CLTC: variants seen among roughly 807,000 people sequenced by gnomAD.
The protein encoded by CLTC is clathrin heavy chain 1.
In CLTC, 16 loss-of-function variants were observed where a neutral mutation model predicts 195.8. The observed-to-expected ratio is 0.08, with a 90% CI of 0.06 to 0.12. The LOEUF is 0.12. CLTC is among the 10% of genes least tolerant of loss of function. CLTC has a pLI of 1.00. For missense variants in CLTC, 796 were observed against 2,027.0 expected (o/e 0.39, Z 11.66); for synonymous variants, 667 against 689.4 (o/e 0.97, Z 0.51).
At chr17:59,641,255 A>T (rs903844419) in intron 1 of CLTC, among the ~76,000 whole-genome samples, 2 of 152,160 alleles carry the variant, frequency 1.3e-5, no homozygotes, top group African/African-American at 4.8e-5. Context: ...GTAGAATAAC[A>T]CTACATTCAC....
At chr17:59,639,482 A>T (rs1784834171) in intron 1 of CLTC, among the ~76,000 whole-genome samples, 2 of 152,188 alleles carry the variant, frequency 1.3e-5, no homozygotes. Context: ...CATATGTTAA[A>T]ATAGGATATC....
intron 8 of CLTC, among the ~76,000 whole-genome samples, chr17:59,661,956 A>G (rs1010147467): frequency 2.0e-5 from 3 of 152,022 alleles, no homozygotes; most frequent in Non-Finnish European, 4.4e-5. Flanking sequence ...TACAAAAATC[A>G]GCTGGGCGTG....
At chr17:59,638,824 T>C (rs1418208041) in intron 1 of CLTC, among the ~76,000 whole-genome samples, 1 of 152,168 alleles carries the variant, frequency 6.6e-6, no homozygotes, top group Non-Finnish European at 1.5e-5. Flanking sequence ...TGGTTCGGGA[T>C]CCCTGCTCTA....
rs1238737129 is a variant in CLTC, at chr17:59,683,848, A to G, written c.4324-27A>G. 9 of 1,611,020 alleles carry G rather than the reference A, an allele frequency of 5.6e-6. No homozygotes were observed. In the Admixed American group the frequency reaches 8.3e-5, roughly 15 times the overall value. On this transcript the variant is annotated intron_variant, in intron 27 of 31. Coordinates refer to ENST00000269122, the MANE Select transcript of CLTC (RefSeq NM_004859.4). This position sits in a 1 kb window ranked among gnomAD's most constrained non-coding sequence, Gnocchi z 6.1. ...CCCTGGGACTTCAATAATGTGCTAT[A>G]TTTGTAACAAACTCTTTATTTTAAA...
intron 6 of CLTC, 104 bp downstream of exon 6, chr17:59,656,131 A>C: frequency 9.9e-7 from 1 of 1,009,506 alleles, no homozygotes; most frequent in Non-Finnish European, 1.4e-6. Flanking sequence ...AAAATAGAAA[A>C]TAAACATATT....
At chr17:59,651,090 A>G in intron 4 of CLTC, 113 bp from the exon 5 acceptor site, 3 of 675,012 alleles carry the variant, frequency 4.4e-6, no homozygotes, top group Non-Finnish European at 7.8e-6. Context: ...ACCATTTAAC[A>G]TTGATCTTCT....
intron 28 of CLTC, 54 bp downstream of exon 28, chr17:59,684,039 CCCATT>C: frequency 8.4e-7 from 1 of 1,184,750 alleles, no homozygotes; most frequent in South Asian, 1.3e-5. Context: ...GTTATGTTTT[CCCATT>C]TTTTAAAAAA....
chr17:59,682,805 C>G lies in CLTC; in HGVS notation c.3765+12C>G, dbSNP rs1567970448. The stretch of plus-strand genomic sequence containing the variant: ...GAACATGGAAAGAGGTAATCTAAAC[C>G]CAAGTTTGAGTGAAGAATTAAAGAA... On this transcript the variant is annotated intron_variant, in intron 23 of 31. Transcript: ENST00000269122. This position sits in a 1 kb window ranked among gnomAD's most constrained non-coding sequence, Gnocchi z 6.8. The G allele has an allele frequency of 6.2e-7, 1 of 1,612,318 alleles. No individual in the cohort carries two copies. The highest frequency in any genetic ancestry group is 8.5e-7 in the Non-Finnish European group (1 of 1,178,950).
Position 59,695,854 on chromosome 17 carries a change from T to A in CLTC, c.*2002T>A. On this transcript the variant is annotated 3_prime_UTR_variant, in exon 32 of 32. Coordinates refer to ENST00000269122, the MANE Select transcript of CLTC (RefSeq NM_004859.4). ...ACAGAGAAAAAAAAAATAATAATAG[T>A]ATTATGAAAACATTGACTCTGTGGA... 5.2e-6 allele frequency: 1 copy of A among 191,692 alleles called. No individual in the cohort carries two copies. The highest frequency in any genetic ancestry group is 8.3e-5 in the East Asian group (1 of 12,066). The allele number at this position is 191,692 out of a possible 1,614,324, so 11.9% of individuals were successfully genotyped here. A position where few individuals can be genotyped will look rare whatever the true frequency, so the allele number is the denominator to read the frequency against.
Position 59,685,643 on chromosome 17 carries a change from G to A in CLTC, c.4662G>A (p.Leu1554=), listed in dbSNP as rs766444476. 4.3e-6 allele frequency: 7 copies of A among 1,614,008 alleles called. No individual in the cohort carries two copies. In the Admixed American group the frequency reaches 5.0e-5, roughly 12 times the overall value. The change falls in exon 30 of 32, where the codon CTG becomes CTA. Residue 1554 remains leucine (L), a synonymous_variant. Coordinates refer to ENST00000269122, the MANE Select transcript of CLTC (RefSeq NM_004859.4). This position sits in a 1 kb window ranked among gnomAD's most constrained non-coding sequence, Gnocchi z 5.0. ...SKDTELAEEL[L]QWFLQEEKRE... is the part of the protein sequence containing the mutation. The stretch of plus-strand genomic sequence containing the variant: ...ATACTGAATTGGCTGAAGAACTCCT[G>A]CAGTGGTTTTTGCAGGAAGAAAAAA...
Position 59,664,561 on chromosome 17 carries a change from AAAAAAAGAAAAG to A in CLTC, c.1522-221_1522-210del. 1.1e-5 allele frequency: 4 copies of A among 362,470 alleles called. No individual in the cohort carries two copies. The South Asian group carries it at 1.5e-4, about 14-fold the overall frequency. 22.5% of individuals were successfully genotyped at this position (362,470 alleles called of 1,614,324 possible). On this transcript the variant is annotated intron_variant, in intron 9 of 31. Transcript: ENST00000269122. ...GCAAGACCCTGTCTCAAAAAAAAAA[AAAAAAAGAAAAG>A]AAAAGAAAAGAAAATGGATAAGCCA...
At position 59,694,916 on chromosome 17, in the gene CLTC, A is replaced by G. The variant is rs963342249; in HGVS notation, c.*1064A>G. On this transcript the variant is annotated 3_prime_UTR_variant, in exon 32 of 32. Transcript: ENST00000269122. ...TGTGAAGACATTGTGCATTATATCA[A>G]TGTGCATTCCTGTAGTTCATTAACA... 1.3e-5 allele frequency: 3 copies of G among 222,948 alleles called. No individual in the cohort carries two copies. Among genetic ancestry groups the G allele is most frequent in the African/African-American group, 2.2e-5 (1 of 44,792 alleles). The allele number at this position is 222,948 out of a possible 1,614,324, so 13.8% of individuals were successfully genotyped here.
Position 59,673,177 on chromosome 17 carries a change from T to C in CLTC, c.2293-470T>C, listed in dbSNP as rs570281769. ...ATGCTGCTCCTTGTAGGCTTTGTTA[T>C]AATAGAGTATTAGAGGCTGGTTGTA... On this transcript the variant is annotated intron_variant, in intron 14 of 31. Transcript: ENST00000269122. 4.6e-5 allele frequency among the ~76,000 whole-genome samples: 7 copies of C among 152,196 alleles called. No homozygotes were observed. The South Asian group carries it at 8.3e-4, about 18-fold the overall frequency.
At chr17:59,643,887 G>C (rs1399474968) in intron 1 of CLTC, among the ~76,000 whole-genome samples, 1 of 152,064 alleles carries the variant, frequency 6.6e-6, no homozygotes, top group Admixed American at 6.5e-5. Flanking sequence ...TAATTTTTCA[G>C]CTTCTTGAAG....
intron 3 of CLTC, among the ~76,000 whole-genome samples, 191 bp downstream of exon 3, chr17:59,647,857 C>G (rs1225552278): frequency 6.6e-6 from 1 of 152,002 alleles, no homozygotes; most frequent in African/African-American, 2.4e-5. Flanking sequence ...CTTCCTCGCT[C>G]CCTTGCTATA....
At chr17:59,693,087 C>T (rs541033559) in intron 31 of CLTC, among the ~76,000 whole-genome samples, 2 of 152,114 alleles carry the variant, frequency 1.3e-5, no homozygotes, top group Non-Finnish European at 2.9e-5. Context: ...GTCATTTAGA[C>T]CAAGCATGGT....
chr17:59,656,504 A>G lies in CLTC; in HGVS notation c.969+477A>G, dbSNP rs939725493. On this transcript the variant is annotated intron_variant, in intron 6 of 31. Coordinates refer to ENST00000269122, the MANE Select transcript of CLTC (RefSeq NM_004859.4). ...CCTAGCTCCTTAATTAAGCATTACTATTACATGTTAGAAGGTGATATGTTT... is the reference window on the plus strand; with the variant it reads ...CCTAGCTCCTTAATTAAGCATTACTGTTACATGTTAGAAGGTGATATGTTT... Among the ~76,000 whole-genome samples the G allele has an allele frequency of 5.3e-5, 8 of 152,092 alleles. 1 individual carries two copies. In the South Asian group the frequency reaches 6.2e-4, roughly 12 times the overall value.
At chr17:59,660,333 G>A in intron 6 of CLTC, 58 bp from the exon 7 acceptor site, 1 of 1,443,000 alleles carries the variant, frequency 6.9e-7, no homozygotes, top group Non-Finnish European at 9.7e-7. Flanking sequence ...AAACAGATTT[G>A]GTATCATTTG....
intron 2 of CLTC, among the ~76,000 whole-genome samples, chr17:59,646,356 C>G (rs114855150): frequency 8.9e-4 from 136 of 152,290 alleles, no homozygotes; most frequent in African/African-American, 3.0e-3. Context: ...TTGTGGTTTA[C>G]ATACTGTGTG....
Sources: gnomAD v4.1 joint callset for allele counts (sites outside exome capture counted in the v4.1 genomes callset) on GRCh38, gnomAD v4.1.1 for gene constraint, Gnocchi (gnomAD v3.1) non-coding constraint, MANE v1.5 for transcripts, NCBI Gene and HGNC (gene_info 2026-07-23, HGNC 2026-07-21) for gene names.